PCDHA1: variants seen among roughly 807,000 people sequenced by gnomAD.
PCDHA1 encodes the protein protocadherin alpha-1.
In PCDHA1, 42 loss-of-function variants were observed where a neutral mutation model predicts 61.3. The ratio of observed to expected loss-of-function variants is 0.69; its 90% confidence interval spans 0.54 to 0.89. PCDHA1 has a LOEUF of 0.89. Among genes scored for constraint, PCDHA1 ranks in the 40% least tolerant of loss-of-function variants. PCDHA1 has a pLI of 0.00. For missense variants in PCDHA1, 1,256 were observed against 1,235.3 expected, an observed-to-expected ratio of 1.02 and a Z score of -0.25; for synonymous variants, 610 against 553.8, an observed-to-expected ratio of 1.10 and a Z score of -1.43.
chr5:140,802,449 G>T (rs149312681), intron 1 of PCDHA1: 5 of 1,614,202 alleles, frequency 3.1e-6, no homozygotes, highest in East Asian at 2.2e-5. Context: ...CCGCGAGAGC[G>T]TGTCGGCCTA....
At chr5:140,866,073 G>A (rs1329544131) in intron 1 of PCDHA1, 1 of 152,068 alleles carries the variant, frequency 6.6e-6, no homozygotes, top group Non-Finnish European at 1.5e-5. Flanking sequence ...ACTGAGATAG[G>A]TATTTTGGTT....
At chr5:140,809,250 G>A (rs782209352) in intron 1 of PCDHA1, 6 of 1,614,080 alleles carry the variant, frequency 3.7e-6, no homozygotes, top group Non-Finnish European at 4.2e-6. Flanking sequence ...GGCGCTGTGG[G>A]TCCCGATGCT....
intron 1 of PCDHA1, chr5:140,859,530 T>G (rs535138857): frequency 5.6e-4 from 108 of 191,500 alleles, no homozygotes; most frequent in Non-Finnish European, 9.8e-4. Context: ...TAAAAAAAAT[T>G]TATTAATTCT....
chr5:140,819,746 A>C (rs1562254494), intron 1 of PCDHA1, among the ~76,000 whole-genome samples: 1 of 152,094 alleles, frequency 6.6e-6, no homozygotes, highest in Non-Finnish European at 1.5e-5. Context: ...ATCAAAAGTC[A>C]AGAGTCTTGT....
intron 1 of PCDHA1, among the ~76,000 whole-genome samples, chr5:140,925,671 A>AATAATAATAATG (rs1445697337): frequency 4.7e-4 from 69 of 148,180 alleles, no homozygotes; most frequent in African/African-American, 1.7e-3. Flanking sequence ...TAATAATAAT[A>AATAATAATAATG]ATAATAAAGC....
At chr5:140,909,851 G>A (rs555110598) in intron 1 of PCDHA1, among the ~76,000 whole-genome samples, 17 of 152,228 alleles carry the variant, frequency 1.1e-4, no homozygotes, top group East Asian at 3.9e-4. Flanking sequence ...GGACGTTTTC[G>A]GTCCCCTGGA....
intron 1 of PCDHA1, among the ~76,000 whole-genome samples, chr5:140,954,817 T>G (rs1461497595): frequency 1.3e-5 from 2 of 152,224 alleles, no homozygotes; most frequent in Non-Finnish European, 2.9e-5. Flanking sequence ...TGAAATTGCT[T>G]TAGGCACTTT....
chr5:140,873,592 T>A (rs936003894), intron 1 of PCDHA1, among the ~76,000 whole-genome samples: 3 of 152,234 alleles, frequency 2.0e-5, no homozygotes, highest in African/African-American at 7.2e-5. Flanking sequence ...TAAGCTAAAC[T>A]TAGATGTTCC....
chr5:140,955,595 A>G (rs1366870361), intron 1 of PCDHA1, among the ~76,000 whole-genome samples: 1 of 152,194 alleles, frequency 6.6e-6, no homozygotes, highest in Admixed American at 6.5e-5. Context: ...TCTTTCTTTT[A>G]TAAATTACCC....
intron 1 of PCDHA1, among the ~76,000 whole-genome samples, chr5:140,971,942 C>A (rs2153791969): frequency 6.6e-6 from 1 of 152,140 alleles, no homozygotes; most frequent in Middle Eastern, 3.4e-3. Flanking sequence ...AAGTTGTATC[C>A]ATCTGACTCC....
intron 1 of PCDHA1, chr5:140,927,826 G>T (rs782694866): frequency 2.5e-6 from 4 of 1,614,076 alleles, no homozygotes; most frequent in Middle Eastern, 3.3e-4. Flanking sequence ...ATACATTGAG[G>T]CGAGGGACGA....
At chr5:140,960,762 A>G (rs1164322988) in intron 1 of PCDHA1, among the ~76,000 whole-genome samples, 5 of 152,214 alleles carry the variant, frequency 3.3e-5, no homozygotes, top group Non-Finnish European at 7.3e-5. Flanking sequence ...CCCAAGAGTT[A>G]CAGAGGAGAA....
rs782188760 is a variant in PCDHA1, at chr5:140,877,108, G to A, written c.2394+88424G>A. 2.5e-5 allele frequency: 41 copies of A among 1,613,540 alleles called. No individual in the cohort carries two copies. Among genetic ancestry groups the A allele is most frequent in the South Asian group, 1.1e-4 (10 of 91,052 alleles). ...GCGCGACGCCGGCGTGCCGCCTCTG[G>A]GCAGCAACGTGACGCTGCAGGTGTT... On this transcript the variant is annotated intron_variant, in intron 1 of 3. Transcript: ENST00000504120.
chr5:140,788,608 G>A lies in PCDHA1; in HGVS notation c.2318G>A (p.Ser773Asn), dbSNP rs151013660. The A allele has an allele frequency of 4.8e-4, 779 of 1,614,092 alleles. 2 individuals are homozygous for A. Among genetic ancestry groups the A allele is most frequent in the Non-Finnish European group, 5.5e-4 (652 of 1,179,972 alleles). ...CCCAAGACCGACCTCATGGCCTTCAGCCCAGGCCTATCTCCAAGTCTTAAC... is the reference window on the plus strand; with the variant it reads ...CCCAAGACCGACCTCATGGCCTTCAACCCAGGCCTATCTCCAAGTCTTAAC... ...GPPKTDLMAF[S>N]PGLSPSLNTS... The change falls in exon 1 of 4, where the codon AGC becomes AAC. Residue 773 changes from serine (S) to asparagine (N), a missense_variant. Ser to Asn is a conservative substitution (Grantham distance 46). Transcript: ENST00000504120.
intron 1 of PCDHA1, among the ~76,000 whole-genome samples, chr5:140,925,206 G>A (rs576558414): frequency 1.3e-5 from 2 of 152,234 alleles, no homozygotes; most frequent in South Asian, 2.1e-4. Context: ...AATAATTATC[G>A]ATACTTTTAG....
At chr5:140,966,692 G>A in intron 1 of PCDHA1, 2 of 1,352,080 alleles carry the variant, frequency 1.5e-6, no homozygotes, top group East Asian at 2.9e-5. Context: ...CGGAGGCGGG[G>A]CCCGGGCGTG....
chr5:140,917,491 C>G (rs2078223929), intron 1 of PCDHA1, among the ~76,000 whole-genome samples: 1 of 152,172 alleles, frequency 6.6e-6, no homozygotes, highest in Non-Finnish European at 1.5e-5. Flanking sequence ...GGGCCTATGC[C>G]CAGAATGATA....
chr5:140,864,592 C>G (rs1005645849), intron 1 of PCDHA1: 6 of 152,206 alleles, frequency 3.9e-5, no homozygotes, highest in South Asian at 4.1e-4. Flanking sequence ...TCAACTACTT[C>G]AGATAGCCAA....
At chr5:140,841,187 C>T in intron 1 of PCDHA1, 1 of 1,214,566 alleles carries the variant, frequency 8.2e-7, no homozygotes, top group South Asian at 1.6e-5. Context: ...TGTTCAAAGT[C>T]TTTTCTCTGA....
Sources: gnomAD v4.1 joint callset for allele counts (sites outside exome capture counted in the v4.1 genomes callset) on GRCh38, gnomAD v4.1.1 for gene constraint, MANE v1.5 for transcripts, NCBI Gene and HGNC (gene_info 2026-07-23, HGNC 2026-07-21) for gene names.